Variants in ZRANB3 observed in about 807,000 individuals in gnomAD.
ZRANB3 encodes zinc finger RANBP2-type containing 3, also known as DNA annealing helicase and endonuclease ZRANB3.
Under a neutral mutation model 133.8 loss-of-function variants are expected in ZRANB3, and 125 were observed. The ratio of observed to expected loss-of-function variants is 0.93; its 90% confidence interval spans 0.81 to 1.08. ZRANB3 has a LOEUF of 1.08. Among genes scored for constraint, ZRANB3 ranks in the 50% least tolerant of loss-of-function variants. ZRANB3 has a pLI of 0.00. For missense variants in ZRANB3, 1,229 were observed against 1,275.5 expected, an observed-to-expected ratio of 0.96 and a Z score of 0.56; for synonymous variants, 387 against 432.7, an observed-to-expected ratio of 0.89 and a Z score of 1.31.
chr2:135,243,006 T>C (rs896775459), intron 12 of ZRANB3, among the ~76,000 whole-genome samples: 3 of 152,208 alleles, frequency 2.0e-5, no homozygotes, highest in Non-Finnish European at 2.9e-5. Flanking sequence ...CATGTTTGTT[T>C]TGGTTTCTGT....
intron 6 of ZRANB3, among the ~76,000 whole-genome samples, chr2:135,343,397 T>C (rs1684784087): frequency 6.7e-6 from 1 of 149,948 alleles, no homozygotes; most frequent in African/African-American, 2.5e-5. Flanking sequence ...TTTCTGGATT[T>C]CATTAATCTA....
intron 13 of ZRANB3, among the ~76,000 whole-genome samples, chr2:135,229,737 A>G (rs1390199961): frequency 6.6e-6 from 1 of 152,194 alleles, no homozygotes; most frequent in African/African-American, 2.4e-5. Flanking sequence ...GATAAAATAC[A>G]ATGTGTACTT....
intron 1 of ZRANB3, among the ~76,000 whole-genome samples, chr2:135,517,701 C>T (rs1054352725): frequency 6.6e-6 from 1 of 152,170 alleles, no homozygotes; most frequent in African/African-American, 2.4e-5. Context: ...CTGTTGACCC[C>T]TGCTGGGAGG....
intron 9 of ZRANB3, among the ~76,000 whole-genome samples, chr2:135,272,413 G>GTTTTTTTTTTTTTTTTTTTTTTT (rs1558877433): frequency 1.8e-5 from 2 of 109,910 alleles, no homozygotes; most frequent in Admixed American, 9.4e-5. Flanking sequence ...GGAAAATAGA[G>GTTTTTTTTTTTTTTTTTTTTTTT]CTTTTTTTTT....
intron 8 of ZRANB3, among the ~76,000 whole-genome samples, chr2:135,297,302 G>A (rs934644473): frequency 1.3e-5 from 2 of 152,226 alleles, no homozygotes; most frequent in Non-Finnish European, 2.9e-5. Context: ...CAGCCTCGCT[G>A]CCACCTTGCA....
chr2:135,392,848 A>T (rs1687303615), intron 2 of ZRANB3, among the ~76,000 whole-genome samples: 1 of 152,154 alleles, frequency 6.6e-6, no homozygotes, highest in Admixed American at 6.6e-5. Flanking sequence ...TTCATTGTTC[A>T]AAAAGATGTC....
intron 2 of ZRANB3, among the ~76,000 whole-genome samples, chr2:135,437,149 G>A (rs1369301957): frequency 6.6e-6 from 1 of 152,104 alleles, no homozygotes; most frequent in African/African-American, 2.4e-5. Context: ...TAGTAGAGAT[G>A]GGGTTTCTCT....
At chr2:135,409,022 G>A (rs1033158372) in intron 2 of ZRANB3, among the ~76,000 whole-genome samples, 6 of 151,978 alleles carry the variant, frequency 3.9e-5, no homozygotes, top group African/African-American at 1.5e-4. Flanking sequence ...ATAAAGAAAA[G>A]CAGTTTAGTT....
intron 2 of ZRANB3, among the ~76,000 whole-genome samples, chr2:135,480,147 T>G (rs995579812): frequency 5.9e-5 from 9 of 151,692 alleles, no homozygotes; most frequent in African/African-American, 2.2e-4. Flanking sequence ...TTTCACTGTG[T>G]TAGCCAGGAA....
At chr2:135,272,969 G>A (rs1367468979) in intron 9 of ZRANB3, among the ~76,000 whole-genome samples, 1 of 151,910 alleles carries the variant, frequency 6.6e-6, no homozygotes, top group Admixed American at 6.6e-5. Flanking sequence ...GGATCACGAG[G>A]TCAGGAGATC....
intron 8 of ZRANB3, among the ~76,000 whole-genome samples, chr2:135,302,308 T>G (rs1682470211): frequency 6.6e-6 from 1 of 152,124 alleles, no homozygotes; most frequent in Non-Finnish European, 1.5e-5. Context: ...CCATAGGTGG[T>G]TGAGGACAGA....
chr2:135,508,845 A>G (rs1350346299), intron 1 of ZRANB3, among the ~76,000 whole-genome samples: 1 of 152,172 alleles, frequency 6.6e-6, no homozygotes. Flanking sequence ...ACATTAATAA[A>G]AGAAGATGCA....
intron 12 of ZRANB3, among the ~76,000 whole-genome samples, chr2:135,259,673 C>T (rs1184773322): frequency 6.6e-6 from 1 of 152,136 alleles, no homozygotes; most frequent in African/African-American, 2.4e-5. Flanking sequence ...CCGCCTCGGC[C>T]TCTCAAAGTG....
chr2:135,271,890 A>G lies in ZRANB3; in HGVS notation c.1087-3T>C, dbSNP rs1042120805. 7 of 1,608,780 alleles carry G rather than the reference A, an allele frequency of 4.4e-6. No homozygotes were observed. The highest frequency in any genetic ancestry group is 5.9e-6 in the Non-Finnish European group (7 of 1,178,268). On this transcript the variant is annotated splice_polypyrimidine_tract_variant and splice_region_variant and intron_variant, in intron 9 of 20. Transcript: ENST00000264159. ...CCATCTATCCTAATGTAACGAGTCT[A>G]GCATCAACAAGGAAAACGGCAAAAT... is the stretch of plus-strand genomic sequence containing the variant.
At chr2:135,351,339 C>T (rs1203931338) in intron 4 of ZRANB3, among the ~76,000 whole-genome samples, 1 of 145,696 alleles carries the variant, frequency 6.9e-6, no homozygotes, top group Non-Finnish European at 1.5e-5. Flanking sequence ...ATGATCTTGG[C>T]TCACTGCAAG....
At chr2:135,397,058 T>C (rs1687524061) in intron 2 of ZRANB3, among the ~76,000 whole-genome samples, 2 of 151,992 alleles carry the variant, frequency 1.3e-5, no homozygotes, top group Admixed American at 6.6e-5. Context: ...GCCCAGGAGA[T>C]TGAGTCTGTA....
intron 1 of ZRANB3, among the ~76,000 whole-genome samples, chr2:135,515,821 A>G (rs992472572): frequency 6.6e-6 from 1 of 152,212 alleles, no homozygotes; most frequent in African/African-American, 2.4e-5. Flanking sequence ...GCTGAGTTCA[A>G]GTCCTGAATA....
chr2:135,335,806 G>A (rs975767893), intron 6 of ZRANB3, among the ~76,000 whole-genome samples: 2 of 152,146 alleles, frequency 1.3e-5, no homozygotes, highest in African/African-American at 4.8e-5. Flanking sequence ...GTAACAGGAT[G>A]CTTGGCTGGG....
chr2:135,436,482 G>C (rs888510799), intron 2 of ZRANB3, among the ~76,000 whole-genome samples: 1 of 152,032 alleles, frequency 6.6e-6, no homozygotes, highest in Non-Finnish European at 1.5e-5. Flanking sequence ...GCCAAACCAA[G>C]AGCCAAATCA....
Sources: gnomAD v4.1 joint callset for allele counts (sites outside exome capture counted in the v4.1 genomes callset) on GRCh38, gnomAD v4.1.1 for gene constraint, MANE v1.5 for transcripts, NCBI Gene and HGNC (gene_info 2026-07-23, HGNC 2026-07-21) for gene names.